The following SMAP2 variants were observed in gnomAD, a reference collection of about 807,000 sequenced individuals.
SMAP2 encodes the protein stromal membrane-associated protein 2.
SMAP2 carries 25 observed loss-of-function variants against 56.4 expected under a neutral mutation model. The observed-to-expected ratio is 0.44, with a 90% confidence interval of 0.32 to 0.62. The LOEUF (loss-of-function observed/expected upper bound fraction) is 0.62, where lower values mean the gene tolerates loss of function less well. Ranked by LOEUF, SMAP2 falls within the 20% of genes least tolerant of loss-of-function variation. The pLI, the probability that SMAP2 is intolerant of heterozygous loss-of-function variation, is 0.04. For synonymous variants in SMAP2, 157 were observed against 181.7 expected (o/e 0.86, Z 1.09); for missense variants, 388 against 545.6 (o/e 0.71, Z 2.88).
At chr1:40,413,214 T>C (rs937949999) in intron 5 of SMAP2, 112 bp downstream of exon 5, 12 of 795,844 alleles carry the variant, frequency 1.5e-5, no homozygotes, top group Non-Finnish European at 2.4e-5. Flanking sequence ...CAGCTGGGGC[T>C]AAAGGGTTCT....
chr1:40,371,285 C>CA (rs530991506), upstream of SMAP2, among the ~76,000 whole-genome samples: 59 of 146,654 alleles, frequency 4.0e-4, no homozygotes, highest in Admixed American at 1.5e-3. Context: ...TTCAAGACTT[C>CA]AAAAAAAAAA....
intron 1 of SMAP2, among the ~76,000 whole-genome samples, chr1:40,345,390 A>G (rs74345912): frequency 2.4e-5 from 3 of 126,318 alleles, no homozygotes; most frequent in Admixed American, 7.2e-5. Context: ...GTCTCTAAGG[A>G]AAAAAAAAAA....
At chr1:40,366,219 C>T (rs1399063320) in intron 2 of SMAP2, among the ~76,000 whole-genome samples, 1 of 151,536 alleles carries the variant, frequency 6.6e-6, no homozygotes, top group Non-Finnish European at 1.5e-5. Flanking sequence ...ACCAAATCTA[C>T]ATCTGATTGG....
chr1:40,351,632 T>A (rs577366298), intron 1 of SMAP2, among the ~76,000 whole-genome samples: 83 of 151,940 alleles, frequency 5.5e-4, no homozygotes, highest in Middle Eastern at 3.4e-3. Flanking sequence ...GCCTCCGGAG[T>A]AGCTGGGATT....
chr1:40,355,955 G>A (rs1005532743), intron 1 of SMAP2, among the ~76,000 whole-genome samples: 6 of 151,902 alleles, frequency 3.9e-5, no homozygotes, highest in East Asian at 3.9e-4. Flanking sequence ...TTTTGTACCC[G>A]TTAACCATTC....
chr1:40,398,388 C>T lies in SMAP2; in HGVS notation c.104-8348C>T, dbSNP rs547340619. ...GGACTACAGAGGCATATCACCACAC[C>T]GAGCTCATTTATTCATATTTTAAAA... On this transcript the variant is annotated intron_variant, in intron 1 of 9. Transcript: ENST00000372718. 4.1e-5 allele frequency among the ~76,000 whole-genome samples: 6 copies of T among 147,512 alleles called. No homozygotes were observed. The South Asian group carries it at 8.9e-4, about 22-fold the overall frequency.
intron 1 of SMAP2, among the ~76,000 whole-genome samples, chr1:40,360,401 T>G (rs1329303567): frequency 6.6e-6 from 1 of 151,708 alleles, no homozygotes; most frequent in African/African-American, 2.4e-5. Context: ...CCTCTCAGGT[T>G]CAAGTGATTC....
chr1:40,410,060 A>T (rs1174453771), intron 4 of SMAP2, among the ~76,000 whole-genome samples: 1 of 151,804 alleles, frequency 6.6e-6, no homozygotes, highest in Non-Finnish European at 1.5e-5. Flanking sequence ...TGGGCAACAA[A>T]GAAAGACCCC....
intron 1 of SMAP2, among the ~76,000 whole-genome samples, chr1:40,380,815 C>T (rs903233013): frequency 3.9e-5 from 6 of 152,058 alleles, no homozygotes; most frequent in Admixed American, 6.6e-5. Flanking sequence ...AGGTGTGAGC[C>T]GCCGCACCCA....
chr1:40,380,108 T>C (rs1242981678), intron 1 of SMAP2, among the ~76,000 whole-genome samples: 1 of 152,232 alleles, frequency 6.6e-6, no homozygotes, highest in African/African-American at 2.4e-5. Flanking sequence ...CTTTTACCAT[T>C]GCTAATCATA....
intron 6 of SMAP2, 40 bp downstream of exon 6, chr1:40,414,280 T>G (rs2294752): frequency 0.25 from 395,642 of 1,588,576 alleles, 51,936 homozygotes; most frequent in African/African-American, 0.49. Context: ...TCTTACAAAT[T>G]TTGATAAATT....
chr1:40,411,703 G>A (rs1277307758), intron 4 of SMAP2, among the ~76,000 whole-genome samples: 1 of 151,926 alleles, frequency 6.6e-6, no homozygotes, highest in Non-Finnish European at 1.5e-5. Context: ...AAAGAAACTG[G>A]CTTTGTTAAA....
At chr1:40,350,713 G>A (rs1170440922) in intron 1 of SMAP2, among the ~76,000 whole-genome samples, 1 of 152,140 alleles carries the variant, frequency 6.6e-6, no homozygotes, top group Non-Finnish European at 1.5e-5. Flanking sequence ...CTATTTGGAT[G>A]AAGATTTCAG....
At position 40,374,596 on chromosome 1, in the gene SMAP2, C is replaced by CGTGCGTGTGT. The variant is rs750226325; in HGVS notation, c.103+376_103+377insCGTGTGTGTG. The stretch of plus-strand genomic sequence containing the variant: ...ACTGCATTGCGTGCGTGCGTGCGTG[C>CGTGCGTGTGT]GTGTGTGTGTGTGTGTGTGTGTGTG... On this transcript the variant is annotated intron_variant, in intron 1 of 9. Transcript: ENST00000372718. This position sits in a 1 kb window ranked among gnomAD's most constrained non-coding sequence, Gnocchi z 5.9. The CGTGCGTGTGT allele has an allele frequency of 2.0e-6, 2 of 1,003,226 alleles. No individual in the cohort carries two copies. Among genetic ancestry groups the CGTGCGTGTGT allele is most frequent in the African/African-American group, 3.6e-5 (2 of 56,122 alleles). The allele number at this position is 1,003,226 out of a possible 1,614,324, so 62.1% of individuals were successfully genotyped here.
intron 1 of SMAP2, among the ~76,000 whole-genome samples, chr1:40,380,700 T>G (rs192193461): frequency 1.3e-5 from 2 of 152,138 alleles, no homozygotes; most frequent in East Asian, 1.9e-4. Flanking sequence ...TGGCTAATAT[T>G]TTGTATTTTT....
chr1:40,347,210 TTG>T (rs150333831), intron 1 of SMAP2, among the ~76,000 whole-genome samples: 48 of 145,294 alleles, frequency 3.3e-4, no homozygotes, highest in African/African-American at 8.5e-4. Context: ...CCTGGCTAAT[TTG>T]TGTGTGTGTG....
At chr1:40,421,925 A>G in intron 9 of SMAP2, 51 bp from the exon 10 acceptor site, 7 of 1,612,282 alleles carry the variant, frequency 4.3e-6, no homozygotes, top group Non-Finnish European at 5.9e-6. Context: ...TTTTGCACTA[A>G]TTGGCGGAAT....
At chr1:40,352,020 C>A (rs775800791) in intron 1 of SMAP2, among the ~76,000 whole-genome samples, 4 of 152,032 alleles carry the variant, frequency 2.6e-5, no homozygotes, top group Non-Finnish European at 5.9e-5. Flanking sequence ...CCCGCACATC[C>A]ATGAATTTTT....
Position 40,417,113 on chromosome 1 carries a change from T to C in SMAP2, c.1164+17T>C, listed in dbSNP as rs1644996545. 1 of 1,578,834 alleles carries C rather than the reference T, an allele frequency of 6.3e-7. No homozygotes were observed. Among genetic ancestry groups the C allele is most frequent in the African/African-American group, 1.3e-5 (1 of 74,340 alleles). ...CTTACTCAGGTAAGCTACCCCATTT[T>C]ACTTGCAGCAAGAGTTTTGAGCCTT... On this transcript the variant is annotated intron_variant, in intron 9 of 9. Transcript: ENST00000372718.
Sources: allele counts gnomAD v4.1 joint callset (sites outside exome capture counted in the v4.1 genomes callset), GRCh38; gene constraint gnomAD v4.1.1; non-coding constraint Gnocchi (gnomAD v3.1); transcripts MANE v1.5; gene names NCBI Gene and HGNC (gene_info 2026-07-23, HGNC 2026-07-21).